The following CACNA2D3 variants were observed in gnomAD, a reference collection of about 807,000 sequenced individuals.
The protein encoded by CACNA2D3 is voltage-dependent calcium channel subunit alpha-2/delta-3.
In CACNA2D3, 60 loss-of-function variants were observed where a neutral mutation model predicts 160.6. The ratio of observed to expected loss-of-function variants is 0.37; its 90% confidence interval spans 0.30 to 0.46. The LOEUF (loss-of-function observed/expected upper bound fraction) is 0.46, where lower values mean the gene tolerates loss of function less well. Ranked by LOEUF, CACNA2D3 falls within the 20% of genes least tolerant of loss-of-function variation. CACNA2D3 has a pLI of 1.00. For synonymous variants in CACNA2D3, 558 were observed against 492.9 expected, an observed-to-expected ratio of 1.13 and a Z score of -1.75; for missense variants, 1,205 against 1,365.0, an observed-to-expected ratio of 0.88 and a Z score of 1.85.
At chr3:54,773,224 G>A (rs1247284327) in intron 13 of CACNA2D3, among the ~76,000 whole-genome samples, 1 of 152,178 alleles carries the variant, frequency 6.6e-6, no homozygotes, top group Non-Finnish European at 1.5e-5. Context: ...TCTAGGAATG[G>A]CACCTAGGCC....
chr3:54,536,548 G>A (rs2106652542), intron 5 of CACNA2D3, among the ~76,000 whole-genome samples: 1 of 152,324 alleles, frequency 6.6e-6, no homozygotes, highest in Non-Finnish European at 1.5e-5. Flanking sequence ...ATGGGCAAAT[G>A]TGTTCTCCAC....
intron 4 of CACNA2D3, among the ~76,000 whole-genome samples, chr3:54,429,666 A>C (rs551698016): frequency 2.0e-4 from 31 of 152,284 alleles, no homozygotes; most frequent in Admixed American, 1.4e-3. Flanking sequence ...TGCGAATAGC[A>C]CTTTGCCAGA....
chr3:54,541,369 A>G (rs1474533089), intron 5 of CACNA2D3, among the ~76,000 whole-genome samples: 2 of 152,082 alleles, frequency 1.3e-5, no homozygotes, highest in East Asian at 3.9e-4. Flanking sequence ...TCATATAAAG[A>G]TGGAGGCAGA....
intron 4 of CACNA2D3, among the ~76,000 whole-genome samples, chr3:54,475,553 T>C (rs1291171623): frequency 2.0e-5 from 3 of 152,158 alleles, no homozygotes; most frequent in Non-Finnish European, 4.4e-5. Context: ...TGGGTTCTTC[T>C]TGGGATGATG....
At chr3:54,729,010 G>GAGTT (rs1199704718) in intron 11 of CACNA2D3, among the ~76,000 whole-genome samples, 2 of 152,114 alleles carry the variant, frequency 1.3e-5, no homozygotes, top group East Asian at 3.9e-4. Flanking sequence ...TACTTCCCTA[G>GAGTT]AGTTCCCTTT....
At chr3:54,521,957 T>G (rs959296994) in intron 5 of CACNA2D3, among the ~76,000 whole-genome samples, 7 of 152,232 alleles carry the variant, frequency 4.6e-5, no homozygotes, top group African/African-American at 1.2e-4. Flanking sequence ...TAGTAAAATT[T>G]GAAATCAGCA....
At chr3:54,834,241 T>A (rs913958939) in intron 14 of CACNA2D3, among the ~76,000 whole-genome samples, 19 of 152,242 alleles carry the variant, frequency 1.2e-4, no homozygotes, top group African/African-American at 4.3e-4. Flanking sequence ...AATGGTATGT[T>A]TTTATTTCAT....
At chr3:54,631,575 C>T (rs1018792388) in intron 10 of CACNA2D3, among the ~76,000 whole-genome samples, 15 of 152,146 alleles carry the variant, frequency 9.9e-5, no homozygotes, top group Non-Finnish European at 1.5e-5. Flanking sequence ...AAATTGTGAT[C>T]GTGGCTGGAG....
chr3:54,219,632 T>C (rs1002729239), intron 2 of CACNA2D3, among the ~76,000 whole-genome samples: 10 of 152,282 alleles, frequency 6.6e-5, no homozygotes, highest in African/African-American at 2.4e-4. Context: ...AAGGGACGCG[T>C]TACTTATGTA....
chr3:54,659,706 G>A (rs1575410492), intron 11 of CACNA2D3, among the ~76,000 whole-genome samples: 2 of 152,210 alleles, frequency 1.3e-5, no homozygotes, highest in South Asian at 4.1e-4. Flanking sequence ...AAGGCTTTCA[G>A]GTGGTAGAAT....
chr3:54,283,008 T>A (rs900994011), intron 2 of CACNA2D3, among the ~76,000 whole-genome samples: 22 of 152,232 alleles, frequency 1.4e-4, no homozygotes, highest in African/African-American at 4.8e-4. Context: ...TACATTTCCC[T>A]TTTGATGAAG....
At position 54,177,554 on chromosome 3, in the gene CACNA2D3, C is replaced by G. The variant is rs552457838; in HGVS notation, c.204+53960C>G. The stretch of plus-strand genomic sequence containing the variant: ...TGGCTTTGGTGAATTATCCTGCCCC[C>G]ACACTTGCATCCTGCAGTTACAAAG... On this transcript the variant is annotated intron_variant, in intron 2 of 37. Transcript: ENST00000474759. 5.9e-5 allele frequency among the ~76,000 whole-genome samples: 9 copies of G among 152,322 alleles called. No individual in the cohort carries two copies. In the East Asian group the frequency reaches 1.5e-3, roughly 26 times the overall value.
chr3:54,183,612 C>T (rs545370176), intron 2 of CACNA2D3, among the ~76,000 whole-genome samples: 22 of 152,082 alleles, frequency 1.4e-4, no homozygotes, highest in African/African-American at 4.8e-4. Context: ...TGGCTGGGTA[C>T]GGTAGCTCAC....
At chr3:54,500,957 G>A (rs1335449354) in intron 4 of CACNA2D3, among the ~76,000 whole-genome samples, 1 of 152,218 alleles carries the variant, frequency 6.6e-6, no homozygotes, top group Non-Finnish European at 1.5e-5. Flanking sequence ...AGATCAAGGT[G>A]CTGGCATGTT....
chr3:54,955,920 C>G (rs1019529044), intron 27 of CACNA2D3, among the ~76,000 whole-genome samples: 2 of 152,176 alleles, frequency 1.3e-5, no homozygotes, highest in African/African-American at 4.8e-5. Context: ...GCCTCGCCAT[C>G]TGCCTGATGA....
chr3:54,415,926 C>T (rs529236087), intron 4 of CACNA2D3, among the ~76,000 whole-genome samples: 2 of 152,058 alleles, frequency 1.3e-5, no homozygotes, highest in East Asian at 1.9e-4. Flanking sequence ...GAAGATGAAA[C>T]TTAGGGATTA....
chr3:54,557,759 C>A (rs1349563142), intron 5 of CACNA2D3, among the ~76,000 whole-genome samples: 1 of 152,150 alleles, frequency 6.6e-6, no homozygotes, highest in Non-Finnish European at 1.5e-5. Context: ...AGAAAGAGAT[C>A]CATTTTCCAG....
At chr3:54,762,662 A>G (rs1702100640) in intron 12 of CACNA2D3, among the ~76,000 whole-genome samples, 1 of 152,150 alleles carries the variant, frequency 6.6e-6, no homozygotes, top group Non-Finnish European at 1.5e-5. Context: ...AACATCTCCT[A>G]ACCCACAGCA....
At chr3:54,788,602 A>G (rs897255141) in intron 13 of CACNA2D3, among the ~76,000 whole-genome samples, 2 of 152,214 alleles carry the variant, frequency 1.3e-5, no homozygotes, top group Non-Finnish European at 2.9e-5. Flanking sequence ...ACCACACCCC[A>G]GAATTTCTGA....
Sources: gnomAD v4.1 joint callset for allele counts (sites outside exome capture counted in the v4.1 genomes callset) on GRCh38, gnomAD v4.1.1 for gene constraint, MANE v1.5 for transcripts, NCBI Gene and HGNC (gene_info 2026-07-23, HGNC 2026-07-21) for gene names.